The following BPGM variants were observed in gnomAD, a reference collection of about 807,000 sequenced individuals.
BPGM encodes the protein 2,3-bisphosphoglycerate mutase, erythrocyte.
In BPGM, 15 loss-of-function variants were observed where a neutral mutation model predicts 21.6. The observed-to-expected ratio is 0.70, with a 90% CI of 0.47 to 1.07. The LOEUF (loss-of-function observed/expected upper bound fraction) is 1.07. BPGM is among the 50% of genes least tolerant of loss of function. The pLI is 0.00. For missense variants in BPGM, 273 were observed against 319.0 expected (o/e 0.86, Z 1.10); for synonymous variants, 113 against 116.2 (o/e 0.97, Z 0.18).
At chr7:134,663,621 A>G (rs1230857280) in intron 2 of BPGM, among the ~76,000 whole-genome samples, 6 of 152,188 alleles carry the variant, frequency 3.9e-5, no homozygotes, top group Non-Finnish European at 7.3e-5. Flanking sequence ...GGTGTATTCT[A>G]TTCAACCGTG....
At position 134,665,358 on chromosome 7, in the gene BPGM, G is replaced by C. The variant is rs563066203; in HGVS notation, c.601+3250G>C. On this transcript the variant is annotated intron_variant, in intron 2 of 2. Coordinates refer to ENST00000344924, the MANE Select transcript of BPGM (RefSeq NM_001724.5). Reference sequence around the variant, plus strand: ...AAACCATCATTCTCAGTAAACTATCGCAAGAACAAAAAAACAAACACCGCA... The same window carrying C: ...AAACCATCATTCTCAGTAAACTATCCCAAGAACAAAAAAACAAACACCGCA... Among the ~76,000 whole-genome samples the C allele has an allele frequency of 5.4e-4, 19 of 34,912 alleles. 7 individuals carry two copies. Among genetic ancestry groups the C allele is most frequent in the Admixed American group, 5.4e-3 (19 of 3,504 alleles). 22.9% of individuals were successfully genotyped at this position (34,912 alleles called of 152,430 possible).
intron 1 of BPGM, among the ~76,000 whole-genome samples, chr7:134,647,608 T>C (rs1397008867): frequency 6.6e-6 from 1 of 152,216 alleles, no homozygotes; most frequent in Non-Finnish European, 1.5e-5. Context: ...AGCTAACTTA[T>C]AACTCTCATC....
chr7:134,656,727 A>G (rs1795644734), intron 1 of BPGM, among the ~76,000 whole-genome samples: 2 of 152,208 alleles, frequency 1.3e-5, no homozygotes, highest in African/African-American at 4.8e-5. Context: ...CCCATGACAC[A>G]TGGGGATTAT....
chr7:134,678,061 C>T (rs1390764051), intron 2 of BPGM, among the ~76,000 whole-genome samples: 1 of 152,040 alleles, frequency 6.6e-6, no homozygotes, highest in Non-Finnish European at 1.5e-5. Flanking sequence ...GAAATATGAA[C>T]TCAGAACATG....
chr7:134,679,081 G>C lies in BPGM; in HGVS notation c.*50G>C. On this transcript the variant is annotated 3_prime_UTR_variant, in exon 3 of 3. Transcript: ENST00000344924. The stretch of plus-strand genomic sequence containing the variant: ...GAAATGCAAAAGAAGTGGCATAGGA[G>C]TGTGTTATGGGTGCTGAACTCTCTC... The C allele has an allele frequency of 1.3e-6, 2 of 1,588,080 alleles. No individual in the cohort carries two copies. Among genetic ancestry groups the C allele is most frequent in the Non-Finnish European group, 1.7e-6 (2 of 1,158,954 alleles).
At chr7:134,653,884 A>G (rs1378620558) in intron 1 of BPGM, among the ~76,000 whole-genome samples, 2 of 152,140 alleles carry the variant, frequency 1.3e-5, no homozygotes, top group East Asian at 1.9e-4. Flanking sequence ...TACTCTAGCT[A>G]TACTCCAACC....
chr7:134,656,955 A>G (rs1795648448), intron 1 of BPGM, among the ~76,000 whole-genome samples: 1 of 152,206 alleles, frequency 6.6e-6, no homozygotes, highest in Non-Finnish European at 1.5e-5. Flanking sequence ...TACTTCCTAG[A>G]TACAGTGGGG....
rs1353848030 is a variant in BPGM, at chr7:134,664,633, A to T, written c.601+2525A>T. Among the ~76,000 whole-genome samples the T allele has an allele frequency of 2.6e-5, 4 of 152,216 alleles. No individual in the cohort carries two copies. In the East Asian group the frequency reaches 7.7e-4, roughly 29 times the overall value. On this transcript the variant is annotated intron_variant, in intron 2 of 2. Coordinates refer to ENST00000344924, the MANE Select transcript of BPGM (RefSeq NM_001724.5). ...CCAAGAGGAATGAAAGCACATGTCC[A>T]CACAACAACTTGTACCTAAACCTGC...
At position 134,661,582 on chromosome 7, in the gene BPGM, G is replaced by C; in HGVS notation, c.75G>C (p.Trp25Cys). The C allele has an allele frequency of 6.2e-7, 1 of 1,614,158 alleles. No homozygotes were observed. The highest frequency in any genetic ancestry group is 1.1e-5 in the South Asian group (1 of 91,084). ...AWNKENRFCS[W>C]VDQKLNSEGM... ...ATAAGGAGAACCGTTTTTGTAGCTG[G>C]GTGGATCAGAAACTCAACAGCGAAG... Residue 25 changes from tryptophan (W) to cysteine (C), a missense_variant, in exon 2 of 3, where the codon TGG becomes TGC. Coordinates refer to ENST00000344924, the MANE Select transcript of BPGM (RefSeq NM_001724.5). The surrounding 1 kb of genome is among the most constrained non-coding windows in gnomAD (Gnocchi z 4.6).
chr7:134,667,313 T>G (rs1795835301), intron 2 of BPGM, among the ~76,000 whole-genome samples: 1 of 152,092 alleles, frequency 6.6e-6, no homozygotes, highest in Non-Finnish European at 1.5e-5. Flanking sequence ...CATGCCCATT[T>G]TGTGGTTAAT....
rs570448838 is a variant in BPGM at position 134,656,448 on chromosome 7, CAT to C, written c.-61-4996_-61-4995del. Among the ~76,000 whole-genome samples the C allele has an allele frequency of 3.4e-3, 525 of 152,296 alleles. 7 individuals are homozygous for C. Among genetic ancestry groups the C allele is most frequent in the African/African-American group, 0.012 (503 of 41,560 alleles). On this transcript the variant is annotated intron_variant, in intron 1 of 2. Coordinates refer to ENST00000344924, the MANE Select transcript of BPGM (RefSeq NM_001724.5). ...TTAGTTCTCATGCTGCTAATAAAGACATATCAGAGACTGGGTAATTTTATAAA... is the reference window on the plus strand; with the variant it reads ...TTAGTTCTCATGCTGCTAATAAAGACATCAGAGACTGGGTAATTTTATAAA...
rs781222092 is a variant in BPGM at position 134,661,776 on chromosome 7, G to T, written c.269G>T (p.Arg90Leu). 6.2e-7 allele frequency: 1 copy of T among 1,614,128 alleles called. No homozygotes were observed. The highest frequency in any genetic ancestry group is 1.1e-5 in the South Asian group (1 of 91,082). ...GAAAGCTCCTGGCGTCTAAATGAGC[G>T]TCACTATGGGGCCTTGATCGGTCTC... is the stretch of plus-strand genomic sequence containing the variant. ...PVESSWRLNE[R>L]HYGALIGLNR... The change falls in exon 2 of 3, where the codon CGT becomes CTT. Residue 90 changes from arginine (R) to leucine (L), a missense_variant. Physicochemically the swap from Arg to Leu is moderately radical, Grantham distance 102. Transcript: ENST00000344924. The surrounding 1 kb of genome is among the most constrained non-coding windows in gnomAD (Gnocchi z 4.6).
chr7:134,674,540 A>G (rs1227024076), intron 2 of BPGM, among the ~76,000 whole-genome samples: 1 of 152,236 alleles, frequency 6.6e-6, no homozygotes, highest in African/African-American at 2.4e-5. Flanking sequence ...TTTATTTAGT[A>G]GCATCATGCT....
At position 134,663,515 on chromosome 7, in the gene BPGM, A is replaced by G. The variant is rs181127906; in HGVS notation, c.601+1407A>G. On this transcript the variant is annotated intron_variant, in intron 2 of 2. Coordinates refer to ENST00000344924, the MANE Select transcript of BPGM (RefSeq NM_001724.5). ...ATTATTAGTGATATATAACTTCATC[A>G]TTAATGGACCATAGTATTTTATTGT... is the stretch of plus-strand genomic sequence containing the variant. 2.0e-5 allele frequency among the ~76,000 whole-genome samples: 3 copies of G among 152,358 alleles called. No individual in the cohort carries two copies. In the East Asian group the frequency reaches 5.8e-4, roughly 29 times the overall value.
intron 2 of BPGM, among the ~76,000 whole-genome samples, chr7:134,673,590 C>T (rs1795940363): frequency 6.6e-6 from 1 of 152,180 alleles, no homozygotes; most frequent in African/African-American, 2.4e-5. Flanking sequence ...GACAACAACC[C>T]CTAAACATGG....
chr7:134,672,512 A>G (rs1047131090), intron 2 of BPGM, among the ~76,000 whole-genome samples: 5 of 152,184 alleles, frequency 3.3e-5, no homozygotes, highest in African/African-American at 1.2e-4. Flanking sequence ...AATATGGTCC[A>G]CTAAGTAATG....
At chr7:134,647,194 T>A (rs1795474521) in intron 1 of BPGM, 1 of 152,618 alleles carries the variant, frequency 6.6e-6, no homozygotes, top group African/African-American at 2.4e-5. Flanking sequence ...GCTTTGGTAG[T>A]GCTGTCCTTA....
chr7:134,678,801 T>G, intron 2 of BPGM, 52 bp from the exon 3 acceptor site: 1 of 1,533,360 alleles, frequency 6.5e-7, no homozygotes, highest in Non-Finnish European at 9.0e-7. Context: ...TAAACAGAAC[T>G]TCCTCCTGAG....
At chr7:134,655,395 T>TA (rs1283034209) in intron 1 of BPGM, among the ~76,000 whole-genome samples, 5 of 152,128 alleles carry the variant, frequency 3.3e-5, no homozygotes, top group African/African-American at 9.7e-5. Context: ...GAACTGGAGA[T>TA]ACCCCTGTGA....
Sources: gnomAD v4.1 joint callset for allele counts (sites outside exome capture counted in the v4.1 genomes callset) on GRCh38, gnomAD v4.1.1 for gene constraint, Gnocchi (gnomAD v3.1) non-coding constraint, MANE v1.5 for transcripts, NCBI Gene and HGNC (gene_info 2026-07-23, HGNC 2026-07-21) for gene names.